Variants in CGNL1 observed in about 807,000 individuals in gnomAD.
CGNL1 encodes the protein cingulin-like protein 1.
CGNL1 carries 132 observed loss-of-function variants against 141.2 expected under a neutral mutation model. That is an observed-to-expected ratio of 0.93 (90% CI 0.81 to 1.08). The LOEUF is 1.08. Among genes scored for constraint, CGNL1 ranks in the 50% least tolerant of loss-of-function variants. CGNL1 has a pLI of 0.00. For missense variants in CGNL1, 1,870 were observed against 1,588.6 expected (o/e 1.18, Z -3.01); for synonymous variants, 690 against 622.1 (o/e 1.11, Z -1.63).
chr15:57,536,635 T>G (rs945084381), intron 14 of CGNL1, among the ~76,000 whole-genome samples: 2 of 152,222 alleles, frequency 1.3e-5, no homozygotes, highest in Non-Finnish European at 2.9e-5. Context: ...TTGGTCTGTT[T>G]AAATCCAGAG....
At chr15:57,383,020 C>T (rs1390140130) in intron 1 of CGNL1, among the ~76,000 whole-genome samples, 3 of 152,160 alleles carry the variant, frequency 2.0e-5, no homozygotes, top group Non-Finnish European at 1.5e-5. Context: ...GATTCCCCAC[C>T]TTTTTTGCCT....
intron 9 of CGNL1, 38 bp from the exon 10 acceptor site, chr15:57,518,355 C>G (rs2030992903): frequency 6.9e-7 from 1 of 1,448,434 alleles, no homozygotes; most frequent in Admixed American, 1.7e-5. Flanking sequence ...AGGTACAGCA[C>G]ACATCTAAGT....
intron 8 of CGNL1, among the ~76,000 whole-genome samples, chr15:57,465,839 A>G (rs1311767455): frequency 2.6e-5 from 4 of 152,240 alleles, no homozygotes; most frequent in African/African-American, 9.6e-5. Context: ...TAGCTTGAGC[A>G]CTAAAGGTTT....
At chr15:57,532,462 A>G (rs1039878157) in intron 14 of CGNL1, among the ~76,000 whole-genome samples, 1 of 152,204 alleles carries the variant, frequency 6.6e-6, no homozygotes, top group Non-Finnish European at 1.5e-5. Flanking sequence ...CACTTAATTA[A>G]AAAATGGAAA....
chr15:57,440,109 T>TAAAAAA (rs34790913), intron 2 of CGNL1, among the ~76,000 whole-genome samples: 2 of 142,882 alleles, frequency 1.4e-5, no homozygotes, highest in Non-Finnish European at 1.5e-5. Flanking sequence ...GATAAAATGG[T>TAAAAAA]AAAAAAAAAA....
rs1240988634 is a variant in CGNL1, at chr15:57,442,380, G to A, written c.1705G>A (p.Asp569Asn). 6.2e-7 allele frequency: 1 copy of A among 1,608,574 alleles called. No homozygotes were observed. Among genetic ancestry groups the A allele is most frequent in the African/African-American group, 1.3e-5 (1 of 74,862 alleles). Residue 569 changes from aspartate (D) to asparagine (N), a missense_variant, in exon 4 of 19, where the codon GAT becomes AAT. Asp to Asn is a conservative substitution (Grantham distance 23, BLOSUM62 1). Coordinates refer to ENST00000281282, the MANE Select transcript of CGNL1 (RefSeq NM_032866.5). ...LYNYLKEGSTDNDDATKRKVN... is the reference protein window; with the variant it reads ...LYNYLKEGSTNNDDATKRKVN... The stretch of plus-strand genomic sequence containing the variant: ...CTGCTGTCCCTTTTTCAGAAGCACT[G>A]ATAATGACGATGCTACTAAAAGGAA...
rs2063577470 is a variant in CGNL1 at position 57,471,216 on chromosome 15, C to G, written c.2403+9324C>G. Among the ~76,000 whole-genome samples the G allele has an allele frequency of 2.0e-5, 3 of 152,312 alleles. No individual in the cohort carries two copies. In the South Asian group the frequency reaches 6.2e-4, roughly 32 times the overall value. On this transcript the variant is annotated intron_variant, in intron 8 of 18. Coordinates refer to ENST00000281282, the MANE Select transcript of CGNL1 (RefSeq NM_032866.5). ...CCTCTACCTTTCCTGGCTAGGATGA[C>G]AGAATAAAGGGCTTCTCTTTCCAGG...
intron 1 of CGNL1, among the ~76,000 whole-genome samples, chr15:57,404,878 G>GTT (rs2062697844): frequency 6.6e-6 from 1 of 152,180 alleles, no homozygotes; most frequent in African/African-American, 2.4e-5. Flanking sequence ...CCTTGGAGCC[G>GTT]TAAGACCCCT....
rs146485577 is a variant in CGNL1, at chr15:57,397,874, C to T, written c.-16+21307C>T. Among the ~76,000 whole-genome samples, 3 of 152,162 alleles carry T rather than the reference C, an allele frequency of 2.0e-5. No individual in the cohort carries two copies. The East Asian group carries it at 5.8e-4, about 29-fold the overall frequency. On this transcript the variant is annotated intron_variant, in intron 1 of 18. Transcript: ENST00000281282. Reference sequence around the variant, plus strand: ...CTCAGCTCACTGCAATCTCCACCTCCTGGGTTCAAGCCATTCTCCTGTCTC... The same window carrying T: ...CTCAGCTCACTGCAATCTCCACCTCTTGGGTTCAAGCCATTCTCCTGTCTC...
chr15:57,438,892 C>A lies in CGNL1; in HGVS notation c.893C>A (p.Ser298Ter). ...LDGARSRRSS[S>*]SSTTPTSANS... The stretch of plus-strand genomic sequence containing the variant: ...GGAGCTCGGTCCCGGAGGTCCTCCT[C>A]GTCATCCACAACTCCCACGTCAGCC... Residue 298 changes from serine to a stop codon, truncating the protein, a stop_gained, in exon 2 of 19, where the codon TCG becomes TAG. Coordinates refer to ENST00000281282, the MANE Select transcript of CGNL1 (RefSeq NM_032866.5). LOFTEE classifies it high-confidence loss of function. 8 of 1,614,176 alleles carry A rather than the reference C, an allele frequency of 5.0e-6. No homozygotes were observed. The highest frequency in any genetic ancestry group is 5.9e-6 in the Non-Finnish European group (7 of 1,180,030).
At chr15:57,515,662 C>T (rs1482693351) in intron 8 of CGNL1, among the ~76,000 whole-genome samples, 5 of 152,108 alleles carry the variant, frequency 3.3e-5, no homozygotes, top group South Asian at 2.1e-4. Context: ...ATTGCTAAAC[C>T]GAAGAATACA....
chr15:57,444,803 A>T (rs113424430), intron 4 of CGNL1, among the ~76,000 whole-genome samples: 12 of 152,342 alleles, frequency 7.9e-5, no homozygotes, highest in African/African-American at 2.6e-4. Flanking sequence ...TAGCAAGGAC[A>T]TTGGAAGTTG....
chr15:57,465,732 C>G (rs535545766), intron 8 of CGNL1, among the ~76,000 whole-genome samples: 1 of 152,122 alleles, frequency 6.6e-6, no homozygotes, highest in Admixed American at 6.5e-5. Context: ...AGCAGCCCAA[C>G]CTTCTGTCAT....
chr15:57,494,993 G>A (rs930413974), intron 8 of CGNL1, among the ~76,000 whole-genome samples: 12 of 152,184 alleles, frequency 7.9e-5, no homozygotes, highest in African/African-American at 1.4e-4. Flanking sequence ...GACAGGAACC[G>A]TGAAGATTGT....
intron 14 of CGNL1, among the ~76,000 whole-genome samples, chr15:57,539,889 C>G (rs1336649334): frequency 1.3e-5 from 2 of 152,228 alleles, no homozygotes; most frequent in African/African-American, 2.4e-5. Context: ...CAGGAGGAAT[C>G]TAAGCACAGA....
At chr15:57,465,081 T>C (rs1158465113) in intron 8 of CGNL1, among the ~76,000 whole-genome samples, 1 of 152,134 alleles carries the variant, frequency 6.6e-6, no homozygotes, top group Non-Finnish European at 1.5e-5. Context: ...AGGATCCTGA[T>C]TGTGTTTTTT....
intron 8 of CGNL1, among the ~76,000 whole-genome samples, chr15:57,492,434 G>A (rs1280018815): frequency 6.6e-6 from 1 of 152,174 alleles, no homozygotes; most frequent in Non-Finnish European, 1.5e-5. Context: ...CAATAGATTT[G>A]CAACTTTGTT....
chr15:57,484,687 G>T (rs2063765473), intron 8 of CGNL1, among the ~76,000 whole-genome samples: 1 of 152,072 alleles, frequency 6.6e-6, no homozygotes, highest in Admixed American at 6.5e-5. Context: ...CATGCATTAG[G>T]TATTTCTTCT....
At chr15:57,524,402 A>G (rs1285626090) in intron 11 of CGNL1, among the ~76,000 whole-genome samples, 179 bp from the exon 12 acceptor site, 1 of 152,176 alleles carries the variant, frequency 6.6e-6, no homozygotes. Flanking sequence ...TCACTCCTCC[A>G]TGCTGCTTCC....
Sources: allele counts gnomAD v4.1 joint callset (sites outside exome capture counted in the v4.1 genomes callset), GRCh38; gene constraint gnomAD v4.1.1; transcripts MANE v1.5; gene names NCBI Gene and HGNC (gene_info 2026-07-23, HGNC 2026-07-21).